The following RASGRF2 variants were observed in gnomAD, a reference collection of about 807,000 sequenced individuals.
The protein encoded by RASGRF2 is Ras protein specific guanine nucleotide releasing factor 2.
RASGRF2 carries 76 observed loss-of-function variants against 151.0 expected under a neutral mutation model. The ratio of observed to expected loss-of-function variants is 0.50; its 90% confidence interval spans 0.42 to 0.61. RASGRF2 has a LOEUF of 0.61. Ranked by LOEUF, RASGRF2 falls within the 20% of genes least tolerant of loss-of-function variation. RASGRF2 has a pLI of 0.00. For missense variants in RASGRF2, 1,148 were observed against 1,564.6 expected (o/e 0.73, Z 4.49); for synonymous variants, 504 against 566.5 (o/e 0.89, Z 1.57).
chr5:81,094,810 G>T (rs762221276), intron 11 of RASGRF2, 46 bp from the exon 12 acceptor site: 1 of 1,538,808 alleles, frequency 6.5e-7, no homozygotes, highest in Non-Finnish European at 8.9e-7. Context: ...ATCACTCTTT[G>T]TTTTTTTGTA....
In RASGRF2 at chr5:80,960,667, G is replaced by A; in HGVS notation, c.-72G>A. On this transcript the variant is annotated 5_prime_UTR_variant, in exon 1 of 27. Transcript: ENST00000265080. The surrounding 1 kb of genome is among the most constrained non-coding windows in gnomAD (Gnocchi z 5.5). ...GACCTGAGCGGTCGCGCCCTCGAGG[G>A]AGCCAGCTGGGCCATGGCCGCGAGG... 7.8e-7 allele frequency: 1 copy of A among 1,288,274 alleles called. No homozygotes were observed. Among genetic ancestry groups the A allele is most frequent in the Non-Finnish European group, 1.0e-6 (1 of 1,000,984 alleles). 79.8% of individuals were successfully genotyped at this position (1,288,274 alleles called of 1,614,324 possible).
chr5:80,980,742 A>G (rs1748272365), intron 1 of RASGRF2, among the ~76,000 whole-genome samples: 1 of 152,220 alleles, frequency 6.6e-6, no homozygotes, highest in Non-Finnish European at 1.5e-5. Flanking sequence ...GAATTGTAAT[A>G]AATGAGTGTT....
intron 1 of RASGRF2, among the ~76,000 whole-genome samples, chr5:80,962,334 A>C (rs1353155703): frequency 6.6e-6 from 1 of 152,222 alleles, no homozygotes; most frequent in African/African-American, 2.4e-5. Flanking sequence ...ATATAAACAT[A>C]AATTTCAAGT....
intron 1 of RASGRF2, among the ~76,000 whole-genome samples, chr5:80,984,090 TTGTGC>T (rs1748399467): frequency 6.6e-6 from 1 of 152,212 alleles, no homozygotes; most frequent in African/African-American, 2.4e-5. Context: ...AAACAGAGTC[TTGTGC>T]TGTTGGGCAG....
chr5:81,113,905 C>G lies in RASGRF2; in HGVS notation c.2455C>G (p.Arg819Gly). ...CGTGGATCTGTGTAACAAGCTAAAACGAAGTATTCAAAAAGGTATTATCTA... is the reference window on the plus strand; with the variant it reads ...CGTGGATCTGTGTAACAAGCTAAAAGGAAGTATTCAAAAAGGTATTATCTA... ...PRVDLCNKLK[R>G]SIQKAVLESA... The change falls in exon 15 of 27, where the codon CGA becomes GGA. Residue 819 changes from arginine (R) to glycine (G), a missense_variant. This residue lies in a region of RASGRF2 where 646 missense variants were observed against 807.4 expected (regional missense o/e 0.80). Coordinates refer to ENST00000265080, the MANE Select transcript of RASGRF2 (RefSeq NM_006909.3). 6.2e-7 allele frequency: 1 copy of G among 1,612,118 alleles called. No homozygotes were observed. Among genetic ancestry groups the G allele is most frequent in the Non-Finnish European group, 8.5e-7 (1 of 1,179,262 alleles).
rs773961493 is a variant in RASGRF2 at position 81,112,896 on chromosome 5, A to G, written c.2087+38A>G. On this transcript the variant is annotated intron_variant, in intron 14 of 26. Coordinates refer to ENST00000265080, the MANE Select transcript of RASGRF2 (RefSeq NM_006909.3). ...CTAGAGGTTAGCCTGTCATTCGCAT[A>G]TGGCCCTCTTCGTTCCGGAGTCACC... is the stretch of plus-strand genomic sequence containing the variant. 6.8e-6 allele frequency: 11 copies of G among 1,612,426 alleles called. No homozygotes were observed. The African/African-American group carries it at 1.3e-4, about 20-fold the overall frequency.
At chr5:80,963,539 C>G (rs1747629836) in intron 1 of RASGRF2, among the ~76,000 whole-genome samples, 1 of 152,128 alleles carries the variant, frequency 6.6e-6, no homozygotes, top group Non-Finnish European at 1.5e-5. Context: ...ATGGCATCTT[C>G]TATTTCTAAG....
At chr5:81,032,634 A>G (rs1038382613) in intron 1 of RASGRF2, among the ~76,000 whole-genome samples, 1 of 152,228 alleles carries the variant, frequency 6.6e-6, no homozygotes, top group Non-Finnish European at 1.5e-5. Flanking sequence ...CGAGGTATTG[A>G]TGGGACGTAT....
chr5:81,041,073 G>A (rs1580242119), intron 1 of RASGRF2, among the ~76,000 whole-genome samples: 2 of 152,180 alleles, frequency 1.3e-5, no homozygotes, highest in Admixed American at 1.3e-4. Flanking sequence ...GGAGGCTGAG[G>A]TGGGCAGATC....
chr5:81,087,280 G>A (rs775284612), intron 9 of RASGRF2: 1 of 703,092 alleles, frequency 1.4e-6, no homozygotes, highest in South Asian at 1.5e-5. Context: ...AGTGCCAAGT[G>A]CTGACGATAC....
At chr5:80,988,211 C>T (rs893175606) in intron 1 of RASGRF2, among the ~76,000 whole-genome samples, 50 of 151,904 alleles carry the variant, frequency 3.3e-4, no homozygotes, top group African/African-American at 1.2e-3. Flanking sequence ...CCACCACAGC[C>T]GGCTGATTTT....
rs565240859 is a variant in RASGRF2 at position 81,087,060 on chromosome 5, C to A, written c.1390+107C>A. ...GAACAGGCGTGACGGGTGCGGTGCCCGAAGGACCCCCCCACGGCCTTCGCC... is the reference window on the plus strand; with the variant it reads ...GAACAGGCGTGACGGGTGCGGTGCCAGAAGGACCCCCCCACGGCCTTCGCC... On this transcript the variant is annotated intron_variant, in intron 9 of 26. Transcript: ENST00000265080. 3.9e-6 allele frequency: 4 copies of A among 1,025,338 alleles called. No individual in the cohort carries two copies. In the South Asian group the frequency reaches 5.4e-5, roughly 14 times the overall value. The allele number at this position is 1,025,338 out of a possible 1,614,324, so 63.5% of individuals were successfully genotyped here.
intron 1 of RASGRF2, among the ~76,000 whole-genome samples, chr5:81,012,247 A>T (rs1368313231): frequency 6.6e-6 from 1 of 152,124 alleles, no homozygotes; most frequent in Non-Finnish European, 1.5e-5. Context: ...TTACTTGGGT[A>T]TGATGCTATC....
At chr5:81,017,167 G>A (rs1161091795) in intron 1 of RASGRF2, among the ~76,000 whole-genome samples, 1 of 152,208 alleles carries the variant, frequency 6.6e-6, no homozygotes, top group East Asian at 1.9e-4. Flanking sequence ...GCAGCCTGGA[G>A]GTGACTGGTT....
At chr5:81,180,726 A>G (rs1754897291) in intron 18 of RASGRF2, among the ~76,000 whole-genome samples, 3 of 135,166 alleles carry the variant, frequency 2.2e-5, no homozygotes. Flanking sequence ...GAGGTAAATA[A>G]CACTCTGGGA....
chr5:81,003,218 C>CTTTTTTT lies in RASGRF2; in HGVS notation c.289-39643_289-39637dup, dbSNP rs1271321430. 7.2e-5 allele frequency among the ~76,000 whole-genome samples: 7 copies of CTTTTTTT among 97,864 alleles called. 1 individual carries two copies. The highest frequency in any genetic ancestry group is 8.0e-5 in the Non-Finnish European group (4 of 50,076). 64.2% of individuals were successfully genotyped at this position (97,864 alleles called of 152,430 possible). A position where few individuals can be genotyped will look rare whatever the true frequency, so the allele number is the denominator to read the frequency against. On this transcript the variant is annotated intron_variant, in intron 1 of 26. Coordinates refer to ENST00000265080, the MANE Select transcript of RASGRF2 (RefSeq NM_006909.3). ...TATGGATGCATGCCACCACACCTGG[C>CTTTTTTT]TTTTTTTTTTTTTTTTTTTTTTGAG...
At chr5:81,203,747 ATTAGGTTGT>A (rs1755446004) in intron 19 of RASGRF2, among the ~76,000 whole-genome samples, 1 of 152,216 alleles carries the variant, frequency 6.6e-6, no homozygotes. Context: ...TAGCTACTTC[ATTAGGTTGT>A]TGTGAAGAGT....
chr5:81,068,854 G>T (rs1343050409), intron 3 of RASGRF2, among the ~76,000 whole-genome samples: 1 of 152,122 alleles, frequency 6.6e-6, no homozygotes, highest in South Asian at 2.1e-4. Context: ...CCTCAGTCTA[G>T]ATAGAGAATC....
rs553271877 is a variant in RASGRF2 at position 81,195,198 on chromosome 5, C to CGCGCCAGAGCCAATGCTGACCCGGGA, written c.2794-6125_2794-6100dup. 2.0e-3 allele frequency among the ~76,000 whole-genome samples: 303 copies of CGCGCCAGAGCCAATGCTGACCCGGGA among 152,326 alleles called. 2 individuals are homozygous for CGCGCCAGAGCCAATGCTGACCCGGGA. The highest frequency in any genetic ancestry group is 7.0e-3 in the African/African-American group (291 of 41,574). ...GGCCTGCGGGCTCCACCCAGGGGCC[C>CGCGCCAGAGCCAATGCTGACCCGGGA]GCGCCAGAGCCAATGCTGACCCGGG... On this transcript the variant is annotated intron_variant, in intron 18 of 26. Coordinates refer to ENST00000265080, the MANE Select transcript of RASGRF2 (RefSeq NM_006909.3).
Sources: gnomAD v4.1 joint callset for allele counts (sites outside exome capture counted in the v4.1 genomes callset) on GRCh38, gnomAD v4.1.1 for gene constraint, gnomAD v4.1.1 regional missense constraint, Gnocchi (gnomAD v3.1) non-coding constraint, MANE v1.5 for transcripts, NCBI Gene and HGNC (gene_info 2026-07-23, HGNC 2026-07-21) for gene names.